Variants in ARHGEF37 observed in about 807,000 individuals in gnomAD.
The protein encoded by ARHGEF37 is Rho guanine nucleotide exchange factor 37, also known as Rho guanine nucleotide exchange factor (GEF) 37.
In ARHGEF37, 55 loss-of-function variants were observed where a neutral mutation model predicts 71.1. The observed-to-expected ratio is 0.77, with a 90% CI of 0.62 to 0.97. The LOEUF is 0.97. Ranked by LOEUF, ARHGEF37 falls within the 50% of genes least tolerant of loss-of-function variation. The pLI is 0.00. For synonymous variants in ARHGEF37, 327 were observed against 350.6 expected, an observed-to-expected ratio of 0.93 and a Z score of 0.75; for missense variants, 765 against 836.8, an observed-to-expected ratio of 0.91 and a Z score of 1.06.
At position 149,556,184 on chromosome 5, in the gene ARHGEF37, T is replaced by G. The variant is rs751661743; in HGVS notation, c.-12+4061T>G. Reference sequence around the variant, plus strand: ...CTTAGAAACGTCAGTGTCCCAAGTGTTGTTTATTTTATTTATTATTTATTT... The same window carrying G: ...CTTAGAAACGTCAGTGTCCCAAGTGGTGTTTATTTTATTTATTATTTATTT... On this transcript the variant is annotated intron_variant, in intron 1 of 2. Transcript: ENST00000505810. Among the ~76,000 whole-genome samples, 138 of 151,994 alleles carry G rather than the reference T, an allele frequency of 9.1e-4. 1 individual carries two copies. Among genetic ancestry groups the G allele is most frequent in the Non-Finnish European group, 1.7e-3 (118 of 67,982 alleles).
chr5:149,627,361 A>G (rs891453732), intron 11 of ARHGEF37, 90 bp downstream of exon 11: 51 of 1,444,218 alleles, frequency 3.5e-5, no homozygotes, highest in African/African-American at 8.5e-5. Context: ...TTGTGGGTCA[A>G]AGTCTGGCTG....
At chr5:149,556,678 C>T (rs1318306741) in intron 1 of ARHGEF37, among the ~76,000 whole-genome samples, 2 of 152,178 alleles carry the variant, frequency 1.3e-5, no homozygotes, top group South Asian at 4.1e-4. Flanking sequence ...TGAGCCACTG[C>T]ACCTGGCCGT....
intron 2 of ARHGEF37, among the ~76,000 whole-genome samples, chr5:149,600,352 G>C (rs1026324786): frequency 7.2e-5 from 11 of 152,216 alleles, no homozygotes; most frequent in African/African-American, 2.7e-4. Context: ...ACTTGAATGT[G>C]TGTCCAGCAC....
intron 1 of ARHGEF37, among the ~76,000 whole-genome samples, chr5:149,584,918 G>A (rs57382702): frequency 0.039 from 5,964 of 152,148 alleles, 408 homozygotes; most frequent in African/African-American, 0.13. Flanking sequence ...CACCATGCCC[G>A]GCCTTCTTTA....
intron 1 of ARHGEF37, among the ~76,000 whole-genome samples, chr5:149,595,066 T>G (rs764391063): frequency 1.3e-5 from 2 of 152,210 alleles, no homozygotes; most frequent in Non-Finnish European, 2.9e-5. Flanking sequence ...AGGATTAGGA[T>G]AGGATGGGGA....
At chr5:149,570,875 C>CAA (rs1010514695) in intron 1 of ARHGEF37, among the ~76,000 whole-genome samples, 1 of 130,058 alleles carries the variant, frequency 7.7e-6, no homozygotes, top group Non-Finnish European at 1.7e-5. Flanking sequence ...GACTCCATCT[C>CAA]AAAAAAAAAA....
chr5:149,598,851 TAC>T (rs1763670941), intron 2 of ARHGEF37, among the ~76,000 whole-genome samples: 1 of 150,938 alleles, frequency 6.6e-6, no homozygotes, highest in African/African-American at 2.4e-5. Flanking sequence ...TATATTTATA[TAC>T]ACACATTCAT....
chr5:149,616,497 A>G, intron 4 of ARHGEF37, 70 bp from the exon 5 acceptor site: 1 of 1,438,620 alleles, frequency 7.0e-7, no homozygotes, highest in East Asian at 2.3e-5. Flanking sequence ...TAGAGTGAGG[A>G]CTACAGCCCA....
chr5:149,564,978 T>C (rs561576149), intron 1 of ARHGEF37, among the ~76,000 whole-genome samples: 1 of 152,334 alleles, frequency 6.6e-6, no homozygotes, highest in East Asian at 1.9e-4. Context: ...TAGCCAGCCT[T>C]CTGTGGCCTA....
In ARHGEF37 at chr5:149,634,610, T is replaced by G. The variant is rs1278973540; in HGVS notation, c.*2419T>G. 2.0e-5 allele frequency: 3 copies of G among 152,592 alleles called. No homozygotes were observed. Among genetic ancestry groups the G allele is most frequent in the Non-Finnish European group, 4.4e-5 (3 of 68,012 alleles). 9.5% of individuals were successfully genotyped at this position (152,592 alleles called of 1,614,324 possible). A position where few individuals can be genotyped will look rare whatever the true frequency, so the allele number is the denominator to read the frequency against. ...GCATGTTGAGAAGATGAGAATGGCC[T>G]GTATTTTCTCCAGGGGAATCTGTGT... On this transcript the variant is annotated 3_prime_UTR_variant, in exon 13 of 13. Coordinates refer to ENST00000333677, the MANE Select transcript of ARHGEF37 (RefSeq NM_001001669.3).
At chr5:149,629,244 A>G (rs1334281074) in intron 12 of ARHGEF37, among the ~76,000 whole-genome samples, 2 of 146,992 alleles carry the variant, frequency 1.4e-5, no homozygotes, top group Non-Finnish European at 3.0e-5. Flanking sequence ...TCATTCATTC[A>G]TTCAATATTT....
At chr5:149,601,283 C>T (rs1763748527) in intron 3 of ARHGEF37, 52 bp downstream of exon 3, 1 of 1,579,570 alleles carries the variant, frequency 6.3e-7, no homozygotes, top group Non-Finnish European at 8.7e-7. Flanking sequence ...TGGAACTGTT[C>T]TCAGCGAGTG....
Position 149,613,810 on chromosome 5 carries a change from C to CTGGA in ARHGEF37, c.459-2756_459-2753dup, listed in dbSNP as rs1178801143. 2.0e-5 allele frequency among the ~76,000 whole-genome samples: 3 copies of CTGGA among 148,120 alleles called. No individual in the cohort carries two copies. The East Asian group carries it at 6.0e-4, about 30-fold the overall frequency. ...ACAAGGTCTCACTCTGTCACCCAGG[C>CTGGA]TGGAGTACAGTGGTGTAATCTCAGC... On this transcript the variant is annotated intron_variant, in intron 4 of 12. Transcript: ENST00000333677.
upstream of ARHGEF37, among the ~76,000 whole-genome samples, chr5:149,580,715 C>T (rs1439210793): frequency 3.3e-5 from 5 of 152,048 alleles, no homozygotes; most frequent in Admixed American, 3.3e-4. Context: ...ATGACTACTA[C>T]CAGCAGTAAT....
intron 1 of ARHGEF37, among the ~76,000 whole-genome samples, chr5:149,584,329 C>T (rs1435779171): frequency 3.3e-5 from 5 of 151,854 alleles, no homozygotes; most frequent in Admixed American, 2.0e-4. Flanking sequence ...CCTGTCCTTT[C>T]CATGTATTTA....
chr5:149,596,146 G>T (rs894315719), intron 1 of ARHGEF37, among the ~76,000 whole-genome samples: 2 of 152,040 alleles, frequency 1.3e-5, no homozygotes, highest in Non-Finnish European at 2.9e-5. Context: ...GCTCCCCACC[G>T]TAGTTTTCAA....
At chr5:149,559,762 G>A (rs1762805178) in intron 1 of ARHGEF37, among the ~76,000 whole-genome samples, 1 of 152,052 alleles carries the variant, frequency 6.6e-6, no homozygotes, top group Non-Finnish European at 1.5e-5. Flanking sequence ...GAGATTGTTA[G>A]GTTTTCTTTT....
intron 1 of ARHGEF37, among the ~76,000 whole-genome samples, chr5:149,575,069 T>C (rs1763010716): frequency 6.6e-6 from 1 of 152,202 alleles, no homozygotes; most frequent in Non-Finnish European, 1.5e-5. Flanking sequence ...AATTCTTGAG[T>C]ATGGCACCCA....
At chr5:149,585,412 T>G (rs530687680) in intron 1 of ARHGEF37, among the ~76,000 whole-genome samples, 30 of 152,296 alleles carry the variant, frequency 2.0e-4, no homozygotes, top group African/African-American at 6.7e-4. Flanking sequence ...TGCTAAGCAA[T>G]GGAAAGTAAC....
Sources: gnomAD v4.1 joint callset for allele counts (sites outside exome capture counted in the v4.1 genomes callset) on GRCh38, gnomAD v4.1.1 for gene constraint, MANE v1.5 for transcripts, NCBI Gene and HGNC (gene_info 2026-07-23, HGNC 2026-07-21) for gene names.